COX6B1: variants seen among roughly 807,000 people sequenced by gnomAD.
COX6B1 encodes the protein cytochrome c oxidase subunit 6B1.
A neutral mutation model predicts 14.0 loss-of-function variants in COX6B1; 2 were observed. The ratio of observed to expected loss-of-function variants is 0.14; its 90% CI spans 0.06 to 0.45. The LOEUF is 0.45. COX6B1 is among the 20% of genes least tolerant of loss of function. The probability of loss-of-function intolerance (pLI) is 0.98; values close to 1 mark genes in which losing one functional copy is unlikely to be tolerated. For missense variants in COX6B1, 81 were observed against 114.2 expected, an observed-to-expected ratio of 0.71 and a Z score of 1.33; for synonymous variants, 30 against 39.7, an observed-to-expected ratio of 0.76 and a Z score of 0.92.
In COX6B1 at chr19:35,654,762, G is replaced by A. The variant is rs533901490; in HGVS notation, c.207+91G>A. On this transcript the variant is annotated intron_variant, in intron 3 of 3. Coordinates refer to ENST00000649813, the MANE Select transcript of COX6B1 (RefSeq NM_001863.5). Reference sequence around the variant, plus strand: ...GCTTGGTGGGAGCTCATCTGTGAGGGGCAGAGGGAGGACAGGGCACCACAC... The same window carrying A: ...GCTTGGTGGGAGCTCATCTGTGAGGAGCAGAGGGAGGACAGGGCACCACAC... 5 of 1,101,300 alleles carry A rather than the reference G, an allele frequency of 4.5e-6. No individual in the cohort carries two copies. The African/African-American group carries it at 6.2e-5, about 14-fold the overall frequency. 68.2% of individuals were successfully genotyped at this position (1,101,300 alleles called of 1,614,324 possible). A position where few individuals can be genotyped will look rare whatever the true frequency, so the allele number is the denominator to read the frequency against.
chr19:35,655,450 C>G (rs887536937), intron 3 of COX6B1, among the ~76,000 whole-genome samples: 2 of 152,130 alleles, frequency 1.3e-5, no homozygotes, highest in African/African-American at 4.8e-5. Flanking sequence ...TCGTTTTCTT[C>G]TTTCCTTTGC....
At chr19:35,658,268 A>G (rs1240290501) in intron 3 of COX6B1, among the ~76,000 whole-genome samples, 2 of 151,944 alleles carry the variant, frequency 1.3e-5, no homozygotes, top group African/African-American at 4.8e-5. Flanking sequence ...CCCTGTTTGG[A>G]CAAACAGCAT....
intron 2 of COX6B1, among the ~76,000 whole-genome samples, chr19:35,653,270 G>T (rs1272231820): frequency 6.7e-6 from 1 of 150,112 alleles, no homozygotes; most frequent in Non-Finnish European, 1.5e-5. Flanking sequence ...ACCATGCCTG[G>T]CCAATTTTAT....
intron 3 of COX6B1, among the ~76,000 whole-genome samples, chr19:35,655,506 C>T (rs1967879066): frequency 6.6e-6 from 1 of 152,144 alleles, no homozygotes; most frequent in Admixed American, 6.6e-5. Context: ...TCACCCCTGC[C>T]TACTTCAGTG....
At chr19:35,658,566 C>A (rs185845523) in intron 3 of COX6B1, 28 bp from the exon 4 acceptor site, 7 of 1,605,218 alleles carry the variant, frequency 4.4e-6, no homozygotes, top group Non-Finnish European at 6.0e-6. Flanking sequence ...TTCCCCACTG[C>A]GGAGGGAATA....
In COX6B1 at chr19:35,650,560, TAGC is replaced by T. The variant is rs774183605; in HGVS notation, c.-11-670_-11-668del. Among the ~76,000 whole-genome samples, 4 of 152,126 alleles carry T rather than the reference TAGC, an allele frequency of 2.6e-5. No homozygotes were observed. The South Asian group carries it at 6.2e-4, about 24-fold the overall frequency. Reference sequence around the variant, plus strand: ...AACCTTGTCTAAAATACAAAAAAATTAGCAGGGCATGGTGGCAGGCGCCTGTAA... The same window carrying T: ...AACCTTGTCTAAAATACAAAAAAATTAGGGCATGGTGGCAGGCGCCTGTAA... On this transcript the variant is annotated intron_variant, in intron 1 of 3. Transcript: ENST00000649813.
intron 2 of COX6B1, among the ~76,000 whole-genome samples, chr19:35,653,442 T>C (rs1967852199): frequency 6.7e-6 from 1 of 148,658 alleles, no homozygotes; most frequent in East Asian, 2.0e-4. Flanking sequence ...CCGGCTAATT[T>C]TTTGTGTTTT....
At chr19:35,653,057 C>T (rs999130012) in intron 2 of COX6B1, among the ~76,000 whole-genome samples, 3 of 151,546 alleles carry the variant, frequency 2.0e-5, no homozygotes, top group Non-Finnish European at 4.4e-5. Context: ...CAACCTCCGC[C>T]TCCCAGCTTC....
intron 3 of COX6B1, among the ~76,000 whole-genome samples, chr19:35,654,970 A>G (rs1161680524): frequency 6.6e-6 from 1 of 150,574 alleles, no homozygotes; most frequent in Non-Finnish European, 1.5e-5. Flanking sequence ...GTAGCTCACA[A>G]TTCTGTGCAG....
chr19:35,654,875 G>A (rs1456767837), intron 3 of COX6B1, among the ~76,000 whole-genome samples: 1 of 152,160 alleles, frequency 6.6e-6, no homozygotes, highest in Admixed American at 6.6e-5. Context: ...AGGGCTCTCA[G>A]CTGAGGCGAC....
At chr19:35,652,965 A>AT (rs1330598420) in intron 2 of COX6B1, among the ~76,000 whole-genome samples, 1,493 of 121,702 alleles carry the variant, frequency 0.012, 44 homozygotes, top group East Asian at 0.098. Flanking sequence ...CACCCAGCTA[A>AT]TTTTTTTTTT....
intron 3 of COX6B1, among the ~76,000 whole-genome samples, chr19:35,658,302 G>A (rs1313893071): frequency 6.6e-6 from 1 of 152,096 alleles, no homozygotes; most frequent in Non-Finnish European, 1.5e-5. Context: ...GGTTTTCAAA[G>A]CAGGGCCCAC....
At chr19:35,651,092 A>G in intron 1 of COX6B1, 141 bp from the exon 2 acceptor site, 3 of 684,666 alleles carry the variant, frequency 4.4e-6, no homozygotes, top group Admixed American at 4.1e-5. Context: ...CCTGCCCCTC[A>G]TCTCTGTGTA....
chr19:35,652,394 G>C (rs78910959), intron 2 of COX6B1, among the ~76,000 whole-genome samples: 2 of 151,856 alleles, frequency 1.3e-5, no homozygotes, highest in African/African-American at 2.4e-5. Context: ...GAGAAGTGAC[G>C]CCACTAACTG....
chr19:35,657,685 G>GCTC, intron 3 of COX6B1, among the ~76,000 whole-genome samples: 1 of 120,836 alleles, frequency 8.3e-6, no homozygotes, highest in East Asian at 2.4e-4. Flanking sequence ...AGACAGTCTT[G>GCTC]CTCTGTCAGG....
intron 3 of COX6B1, among the ~76,000 whole-genome samples, 167 bp downstream of exon 3, chr19:35,654,838 CCTT>C (rs1339004835): frequency 6.6e-6 from 1 of 152,038 alleles, no homozygotes; most frequent in African/African-American, 2.4e-5. Flanking sequence ...CTCCCTGTCT[CCTT>C]CTGCTGATGC....
At chr19:35,658,544 C>A (rs1338974438) in intron 3 of COX6B1, 50 bp from the exon 4 acceptor site, 3 of 1,535,044 alleles carry the variant, frequency 2.0e-6, no homozygotes, top group Non-Finnish European at 2.7e-6. Flanking sequence ...ATAAGAAGTC[C>A]ATCCGTTCAG....
At chr19:35,655,755 GTC>G (rs3038413) in intron 3 of COX6B1, among the ~76,000 whole-genome samples, 6,716 of 145,450 alleles carry the variant, frequency 0.046, 175 homozygotes, top group African/African-American at 0.089. Context: ...CACTGTGCCT[GTC>G]TCTCTCTCTC....
intron 2 of COX6B1, among the ~76,000 whole-genome samples, chr19:35,653,132 T>C (rs367708385): frequency 1.1e-4 from 16 of 150,660 alleles, no homozygotes; most frequent in Non-Finnish European, 2.4e-4. Flanking sequence ...CATGCCTGGC[T>C]AATTTTTTTT....
Sources: gnomAD v4.1 joint callset for allele counts (sites outside exome capture counted in the v4.1 genomes callset) on GRCh38, gnomAD v4.1.1 for gene constraint, MANE v1.5 for transcripts, NCBI Gene and HGNC (gene_info 2026-07-23, HGNC 2026-07-21) for gene names.